FSHR: variants seen among roughly 807,000 people sequenced by gnomAD.
The protein encoded by FSHR is follicle stimulating hormone receptor, also known as follicle-stimulating hormone receptor.
A neutral mutation model predicts 52.1 loss-of-function variants in FSHR; 46 were observed. The observed-to-expected ratio is 0.88, with a 90% CI of 0.70 to 1.13. FSHR has a LOEUF of 1.13. Among genes scored for constraint, FSHR ranks in the 50% most tolerant of loss-of-function variants. The pLI is 0.00. For missense variants in FSHR, 964 were observed against 834.6 expected, an observed-to-expected ratio of 1.16 and a Z score of -1.91; for synonymous variants, 399 against 309.6, an observed-to-expected ratio of 1.29 and a Z score of -3.03.
In FSHR at chr2:49,010,444, A is replaced by G. The variant is rs1467469636; in HGVS notation, c.374+7045T>C. On this transcript the variant is annotated intron_variant, in intron 4 of 9. Transcript: ENST00000406846. Reference sequence around the variant, plus strand: ...ATTCAGTTTGCCAGTATTTTATTGAAGATTTTTGCATCAATGTTCATCAGG... The same window carrying G: ...ATTCAGTTTGCCAGTATTTTATTGAGGATTTTTGCATCAATGTTCATCAGG... Among the ~76,000 whole-genome samples the G allele has an allele frequency of 9.9e-5, 15 of 152,226 alleles. No homozygotes were observed. The East Asian group carries it at 1.7e-3, about 18-fold the overall frequency.
Position 48,963,617 on chromosome 2 carries a change from A to T in FSHR, c.1204T>A (p.Cys402Ser). 1 of 1,614,218 alleles carries T rather than the reference A, an allele frequency of 6.2e-7. No individual in the cohort carries two copies. The highest frequency in any genetic ancestry group is 8.5e-7 in the Non-Finnish European group (1 of 1,180,028). ...YKLTVPRFLM[C>S]NLAFADLCIG... ...CAGAGATCAGCAAAGGCCAGGTTGC[A>T]CATAAGGAACCTGGGGACTGTGAGT... The change falls in exon 10 of 10, where the codon TGC (cysteine) becomes AGC (serine). Residue 402 changes from cysteine (C) to serine (S), a missense_variant. Coordinates refer to ENST00000406846, the MANE Select transcript of FSHR (RefSeq NM_000145.4).
chr2:49,063,236 C>G (rs915524098), intron 2 of FSHR, among the ~76,000 whole-genome samples: 1 of 152,008 alleles, frequency 6.6e-6, no homozygotes, highest in African/African-American at 2.4e-5. Flanking sequence ...TGGAAAAACC[C>G]TAAATTAAAC....
At chr2:49,087,078 T>TTTTTG (rs1553342907) in intron 1 of FSHR, among the ~76,000 whole-genome samples, 1 of 144,218 alleles carries the variant, frequency 6.9e-6, no homozygotes, top group Non-Finnish European at 1.5e-5. Flanking sequence ...GGGTTTTTTT[T>TTTTTG]TTTTTTTTTT....
chr2:49,073,267 T>C (rs1669816423), intron 1 of FSHR, among the ~76,000 whole-genome samples: 1 of 152,052 alleles, frequency 6.6e-6, no homozygotes, highest in Non-Finnish European at 1.5e-5. Context: ...GGAAGGCAAA[T>C]TGTTCCTACT....
At chr2:49,143,827 CAA>C (rs1043284353) in intron 1 of FSHR, among the ~76,000 whole-genome samples, 1 of 152,026 alleles carries the variant, frequency 6.6e-6, no homozygotes, top group African/African-American at 2.4e-5. Context: ...AAATGGAAGC[CAA>C]AGTGATTTAT....
intron 1 of FSHR, among the ~76,000 whole-genome samples, chr2:49,118,710 C>T (rs2103773304): frequency 6.6e-6 from 1 of 152,290 alleles, no homozygotes. Flanking sequence ...ATTATATGCT[C>T]ATTAACATAC....
intron 1 of FSHR, among the ~76,000 whole-genome samples, chr2:49,146,259 C>T (rs1672865698): frequency 6.6e-6 from 1 of 152,042 alleles, no homozygotes. Context: ...TATGAACCAA[C>T]ATTTTGTAAG....
intron 1 of FSHR, among the ~76,000 whole-genome samples, chr2:49,099,499 T>G (rs1316163019): frequency 6.6e-6 from 1 of 152,208 alleles, no homozygotes. Flanking sequence ...ATTAATACAG[T>G]TCTAAGCTCC....
In FSHR at chr2:48,990,574, T is replaced by G; in HGVS notation, c.438A>C (p.Lys146Asn). 6.2e-7 allele frequency: 1 copy of G among 1,609,268 alleles called. No homozygotes were observed. Among genetic ancestry groups the G allele is most frequent in the Non-Finnish European group, 8.5e-7 (1 of 1,175,698 alleles). ...TCAAGGAAAAAACTTACAGTAAAACTTTTTGGAGAGAATGAATCTTGTGAA... is the reference window on the plus strand; with the variant it reads ...TCAAGGAAAAAACTTACAGTAAAACGTTTTGGAGAGAATGAATCTTGTGAA... ...PDVHKIHSLQKVLLDIQDNIN... is the reference protein window; with the variant it reads ...PDVHKIHSLQNVLLDIQDNIN... The change falls in exon 5 of 10, where the codon AAA becomes AAC. Residue 146 changes from lysine to asparagine, a missense_variant. Coordinates refer to ENST00000406846, the MANE Select transcript of FSHR (RefSeq NM_000145.4).
intron 1 of FSHR, among the ~76,000 whole-genome samples, chr2:49,117,506 T>G (rs551912037): frequency 2.0e-5 from 3 of 152,184 alleles, no homozygotes; most frequent in Non-Finnish European, 4.4e-5. Context: ...CTCATAAAAA[T>G]TAGCAGCTGC....
intron 2 of FSHR, among the ~76,000 whole-genome samples, chr2:49,062,871 A>G (rs1347649060): frequency 5.3e-5 from 8 of 152,138 alleles, no homozygotes; most frequent in Admixed American, 5.2e-4. Flanking sequence ...ATCTTACCCC[A>G]GTGAAAATGG....
intron 4 of FSHR, among the ~76,000 whole-genome samples, chr2:49,011,718 A>T (rs112708113): frequency 0.037 from 5,647 of 152,182 alleles, 301 homozygotes; most frequent in African/African-American, 0.12. Flanking sequence ...CTTATGCAGC[A>T]AATAAGGGAA....
intron 1 of FSHR, among the ~76,000 whole-genome samples, chr2:49,073,228 G>C (rs1238419392): frequency 1.3e-5 from 2 of 151,992 alleles, no homozygotes; most frequent in African/African-American, 2.4e-5. Flanking sequence ...GCAAGAGAAA[G>C]AAATAAAGGT....
intron 2 of FSHR, among the ~76,000 whole-genome samples, chr2:49,064,663 G>GT (rs1220113017): frequency 6.6e-6 from 1 of 152,098 alleles, no homozygotes; most frequent in Non-Finnish European, 1.5e-5. Context: ...AAAGAGATGG[G>GT]TGGATAGGTT....
chr2:49,014,038 AC>A (rs1304553353), intron 4 of FSHR, among the ~76,000 whole-genome samples: 2 of 152,074 alleles, frequency 1.3e-5, no homozygotes, highest in African/African-American at 4.8e-5. Context: ...GAGGGCCCTT[AC>A]CAAGAACTGG....
At chr2:49,063,028 A>T (rs1669370528) in intron 2 of FSHR, among the ~76,000 whole-genome samples, 1 of 152,114 alleles carries the variant, frequency 6.6e-6, no homozygotes, top group Non-Finnish European at 1.5e-5. Context: ...TGAGTATGAG[A>T]TTCCTCTAAA....
intron 1 of FSHR, among the ~76,000 whole-genome samples, chr2:49,100,721 G>A (rs1045985838): frequency 6.6e-6 from 1 of 152,204 alleles, no homozygotes; most frequent in Non-Finnish European, 1.5e-5. Context: ...CGGGCCTTTT[G>A]TTATGTAAGA....
chr2:48,969,559 CTATGTG>C (rs1423215150), intron 8 of FSHR, among the ~76,000 whole-genome samples: 1 of 148,914 alleles, frequency 6.7e-6, no homozygotes, highest in Admixed American at 6.8e-5. Flanking sequence ...GACAAAAATC[CTATGTG>C]TACCTCAGAG....
At position 49,154,271 on chromosome 2, in the gene FSHR, A is replaced by G; in HGVS notation, c.147T>C (p.Ile49=). ...CCCCTCCCTCTGATACTCACAGTTC[A>G]ATGGCATTCCTCGGGAGGTCAGAAG... ...EIPSDLPRNA[I]ELRFVLTKLR... Residue 49 remains isoleucine, a synonymous_variant, in exon 1 of 10, where the codon ATT becomes ATC. Coordinates refer to ENST00000406846, the MANE Select transcript of FSHR (RefSeq NM_000145.4). 2 of 1,613,856 alleles carry G rather than the reference A, an allele frequency of 1.2e-6. No homozygotes were observed. Among genetic ancestry groups the G allele is most frequent in the South Asian group, 2.2e-5 (2 of 91,076 alleles).
Sources: gnomAD v4.1 joint callset for allele counts (sites outside exome capture counted in the v4.1 genomes callset) on GRCh38, gnomAD v4.1.1 for gene constraint, MANE v1.5 for transcripts, NCBI Gene and HGNC (gene_info 2026-07-23, HGNC 2026-07-21) for gene names.